EMILIN2: variants seen among roughly 807,000 people sequenced by gnomAD.
The protein encoded by EMILIN2 is elastin microfibril interfacer 2.
EMILIN2 carries 71 observed loss-of-function variants against 87.1 expected under a neutral mutation model. The ratio of observed to expected loss-of-function variants is 0.82; its 90% CI spans 0.67 to 0.99. The LOEUF (loss-of-function observed/expected upper bound fraction) is 0.99, where lower values mean the gene tolerates loss of function less well. Ranked by LOEUF, EMILIN2 falls within the 50% of genes least tolerant of loss-of-function variation. The pLI, the probability that EMILIN2 is intolerant of heterozygous loss-of-function variation, is 0.00. For synonymous variants in EMILIN2, 581 were observed against 563.4 expected (o/e 1.03, Z -0.44); for missense variants, 1,407 against 1,371.8 (o/e 1.03, Z -0.40).
chr18:2,897,550 C>CT lies in EMILIN2; in HGVS notation c.2359+5064_2359+5065insT, dbSNP rs1598502360. On this transcript the variant is annotated intron_variant, in intron 4 of 7. Coordinates refer to ENST00000254528, the MANE Select transcript of EMILIN2 (RefSeq NM_032048.3). ...CCCTTTTTCTTGTTTTTAAAATTAG[C>CT]GTTCAAATAGACAGTATAAAAAGCC... is the stretch of plus-strand genomic sequence containing the variant. 3.9e-5 allele frequency among the ~76,000 whole-genome samples: 6 copies of CT among 152,208 alleles called. No homozygotes were observed. The South Asian group carries it at 1.2e-3, about 32-fold the overall frequency.
intron 3 of EMILIN2, among the ~76,000 whole-genome samples, chr18:2,888,714 CAAA>C (rs530260960): frequency 6.1e-5 from 5 of 81,992 alleles, no homozygotes; most frequent in East Asian, 3.7e-4. Context: ...GATTCTGTCT[CAAA>C]AAAAAAAAAA....
intron 2 of EMILIN2, among the ~76,000 whole-genome samples, chr18:2,853,817 G>T (rs530315114): frequency 3.7e-4 from 57 of 152,356 alleles, no homozygotes; most frequent in African/African-American, 1.4e-3. Context: ...CAGCCTCCCT[G>T]TCAGGGTGGA....
intron 2 of EMILIN2, among the ~76,000 whole-genome samples, chr18:2,867,972 GC>G (rs2076695915): frequency 6.6e-6 from 1 of 151,446 alleles, no homozygotes; most frequent in African/African-American, 2.4e-5. Context: ...GGCTGGCCGG[GC>G]AGGGGGCTGA....
rs918715880 is a variant in EMILIN2, at chr18:2,847,467, C to G, written c.134+145C>G. Reference sequence around the variant, plus strand: ...CCGGGCGGCTCCCTCTGCGGGGGACCGCGCGCTCCGCAGCCGGCGCCTCAG... The same window carrying G: ...CCGGGCGGCTCCCTCTGCGGGGGACGGCGCGCTCCGCAGCCGGCGCCTCAG... On this transcript the variant is annotated intron_variant, in intron 1 of 7. Coordinates refer to ENST00000254528, the MANE Select transcript of EMILIN2 (RefSeq NM_032048.3). The surrounding 1 kb of genome is among the most constrained non-coding windows in gnomAD (Gnocchi z 4.5). 2 of 988,428 alleles carry G rather than the reference C, an allele frequency of 2.0e-6. No homozygotes were observed. Among genetic ancestry groups the G allele is most frequent in the Non-Finnish European group, 2.6e-6 (2 of 756,632 alleles). The allele number at this position is 988,428 out of a possible 1,614,324, so 61.2% of individuals were successfully genotyped here.
At chr18:2,883,704 G>T in intron 2 of EMILIN2, among the ~76,000 whole-genome samples, 1 of 152,204 alleles carries the variant, frequency 6.6e-6, no homozygotes, top group East Asian at 1.9e-4. Context: ...TCACTGCAAA[G>T]CTCTCTGTGT....
chr18:2,906,750 C>CATTA (rs1247515358), intron 4 of EMILIN2, 33 bp from the exon 5 acceptor site: 4 of 1,262,096 alleles, frequency 3.2e-6, no homozygotes, highest in Non-Finnish European at 4.0e-6. Context: ...GTTTCCTAAT[C>CATTA]CCGTGTGTTT....
chr18:2,906,681 C>T (rs557935069), intron 4 of EMILIN2, 102 bp from the exon 5 acceptor site: 78 of 978,454 alleles, frequency 8.0e-5, no homozygotes, highest in South Asian at 1.5e-4. Flanking sequence ...AGAGTCCTCA[C>T]GGGGACCCCG....
At chr18:2,896,067 G>A (rs1228331008) in intron 4 of EMILIN2, among the ~76,000 whole-genome samples, 1 of 152,114 alleles carries the variant, frequency 6.6e-6, no homozygotes, top group Admixed American at 6.5e-5. Context: ...GGAGAAGAAG[G>A]GCCTTCAGCT....
intron 2 of EMILIN2, among the ~76,000 whole-genome samples, chr18:2,859,153 G>T (rs753466092): frequency 3.9e-5 from 6 of 152,150 alleles, no homozygotes; most frequent in Non-Finnish European, 7.4e-5. Context: ...GCTGTTTTCC[G>T]TAGTGGTTGG....
At chr18:2,873,153 A>G (rs866595599) in intron 2 of EMILIN2, among the ~76,000 whole-genome samples, 20 of 152,100 alleles carry the variant, frequency 1.3e-4, no homozygotes, top group African/African-American at 4.8e-4. Flanking sequence ...GCTCATGCCT[A>G]TAATGCTAGC....
chr18:2,858,569 A>ATATATATATATGTGTGTG (rs1305555851), intron 2 of EMILIN2, among the ~76,000 whole-genome samples: 1 of 55,430 alleles, frequency 1.8e-5, no homozygotes, highest in Non-Finnish European at 3.0e-5. Context: ...ATATATATAT[A>ATATATATATATGTGTGTG]TGTGTGTGTG....
At position 2,890,745 on chromosome 18, in the gene EMILIN2, T is replaced by G. The variant is rs777269499; in HGVS notation, c.618T>G (p.Ala206=). The change falls in exon 4 of 8, where the codon GCT becomes GCG. Residue 206 remains alanine, a synonymous_variant. Transcript: ENST00000254528. The surrounding 1 kb of genome is among the most constrained non-coding windows in gnomAD (Gnocchi z 4.7). ...TTCTTGACCTCCAGTCTTCCCTTGC[T>G]GGAGTGAGTGAAAATCTCAAACATG... The part of the protein sequence containing the change: ...RTVLDLQSSL[A]GVSENLKHAT... The G allele has an allele frequency of 9.3e-6, 15 of 1,613,910 alleles. No homozygotes were observed. In the African/African-American group the frequency reaches 2.0e-4, roughly 22 times the overall value.
chr18:2,893,608 C>T (rs1281531319), intron 4 of EMILIN2, among the ~76,000 whole-genome samples: 1 of 152,200 alleles, frequency 6.6e-6, no homozygotes, highest in East Asian at 1.9e-4. Context: ...CAGAGCTTCT[C>T]TTGTACCTGG....
chr18:2,880,226 G>T lies in EMILIN2; in HGVS notation c.258-4738G>T, dbSNP rs920187698. Among the ~76,000 whole-genome samples, 1 of 152,070 alleles carries T rather than the reference G, an allele frequency of 6.6e-6. No individual in the cohort carries two copies. The highest frequency in any genetic ancestry group is 1.5e-5 in the Non-Finnish European group (1 of 68,006). On this transcript the variant is annotated intron_variant, in intron 2 of 7. Transcript: ENST00000254528. This position sits in a 1 kb window ranked among gnomAD's most constrained non-coding sequence, Gnocchi z 4.1. ...GGTACTGTCATTTTGTTTTAACAGG[G>T]ACACTTCCAGTCATATGGTCCCTGG...
At position 2,890,930 on chromosome 18, in the gene EMILIN2, A is replaced by C. The variant is rs2076832784; in HGVS notation, c.803A>C (p.Glu268Ala). The C allele has an allele frequency of 6.2e-7, 1 of 1,614,006 alleles. No homozygotes were observed. The highest frequency in any genetic ancestry group is 8.5e-7 in the Non-Finnish European group (1 of 1,180,042). ...GMKDIKSELA[E>A]VKDTLKNKSD... The stretch of plus-strand genomic sequence containing the variant: ...AAGGACATCAAGTCTGAATTGGCTG[A>C]AGTCAAAGATACTCTAAAGAACAAA... Residue 268 changes from glutamate to alanine, a missense_variant, in exon 4 of 8, where the codon GAA becomes GCA. Glu to Ala is a moderately radical substitution (Grantham distance 107). Coordinates refer to ENST00000254528, the MANE Select transcript of EMILIN2 (RefSeq NM_032048.3). The surrounding 1 kb of genome is among the most constrained non-coding windows in gnomAD (Gnocchi z 4.7).
intron 2 of EMILIN2, among the ~76,000 whole-genome samples, chr18:2,868,060 A>G (rs1315367174): frequency 1.5e-3 from 216 of 148,578 alleles, no homozygotes; most frequent in Non-Finnish European, 2.7e-3. Context: ...TGGCTGCTGG[A>G]CGGGGCTCCT....
chr18:2,873,968 T>C (rs1017189888), intron 2 of EMILIN2, among the ~76,000 whole-genome samples: 2 of 152,096 alleles, frequency 1.3e-5, no homozygotes, highest in Non-Finnish European at 2.9e-5. Context: ...AGTTCTCCAA[T>C]AGAAGTACAG....
intron 4 of EMILIN2, among the ~76,000 whole-genome samples, chr18:2,897,936 T>C (rs1476002610): frequency 6.6e-6 from 1 of 152,008 alleles, no homozygotes; most frequent in East Asian, 1.9e-4. Context: ...GTATCGATAG[T>C]TTTTTTGAGC....
chr18:2,878,506 AAAAG>A (rs1203141590), intron 2 of EMILIN2, among the ~76,000 whole-genome samples: 1 of 152,122 alleles, frequency 6.6e-6, no homozygotes, highest in Non-Finnish European at 1.5e-5. Context: ...GGAAAAAAAA[AAAAG>A]AGGCTAAATT....
Sources: gnomAD v4.1 joint callset for allele counts (sites outside exome capture counted in the v4.1 genomes callset) on GRCh38, gnomAD v4.1.1 for gene constraint, Gnocchi (gnomAD v3.1) non-coding constraint, MANE v1.5 for transcripts, NCBI Gene and HGNC (gene_info 2026-07-23, HGNC 2026-07-21) for gene names.